NUP93: variants seen among roughly 807,000 people sequenced by gnomAD.
NUP93 encodes the protein nuclear pore complex protein Nup93.
NUP93 carries 55 observed loss-of-function variants against 107.8 expected under a neutral mutation model. The observed-to-expected ratio is 0.51, with a 90% CI of 0.41 to 0.64. The LOEUF is 0.64. Ranked by LOEUF, NUP93 falls within the 30% of genes least tolerant of loss-of-function variation. The probability of loss-of-function intolerance (pLI) is 0.00; values close to 1 mark genes in which losing one functional copy is unlikely to be tolerated. For missense variants in NUP93, 937 were observed against 1,044.7 expected (o/e 0.90, Z 1.42); for synonymous variants, 390 against 397.5 (o/e 0.98, Z 0.22).
chr16:56,801,972 G>A (rs991363996), intron 4 of NUP93, among the ~76,000 whole-genome samples: 1 of 152,158 alleles, frequency 6.6e-6, no homozygotes, highest in South Asian at 2.1e-4. Context: ...TGTGGGTGGT[G>A]TATTGTCTGT....
chr16:56,805,745 A>G (rs778299775), intron 5 of NUP93, 113 bp downstream of exon 5: 11 of 1,160,778 alleles, frequency 9.5e-6, no homozygotes, highest in Non-Finnish European at 1.3e-5. Flanking sequence ...CCCTTGAAAC[A>G]CTTTCTTCAC....
chr16:56,781,336 T>C (rs1596794332), intron 3 of NUP93, among the ~76,000 whole-genome samples: 2 of 152,206 alleles, frequency 1.3e-5, no homozygotes, highest in Non-Finnish European at 2.9e-5. Context: ...TTTTAACTAC[T>C]AAGAGGCCAA....
intron 4 of NUP93, among the ~76,000 whole-genome samples, chr16:56,802,867 C>T (rs1395351277): frequency 6.6e-6 from 1 of 152,124 alleles, no homozygotes; most frequent in Non-Finnish European, 1.5e-5. Flanking sequence ...ACCTGGTCTG[C>T]CAATTGGAGA....
At chr16:56,759,922 G>T (rs1390247698) in intron 3 of NUP93, among the ~76,000 whole-genome samples, 6 of 152,044 alleles carry the variant, frequency 3.9e-5, no homozygotes, top group Non-Finnish European at 7.4e-5. Context: ...GATATTCTTG[G>T]AGTAGGTATT....
At position 56,848,174 on chromosome 16, in the gene NUP93, G is replaced by A. The variant is rs1964137017; in HGVS notation, c.*3565G>A. 6.6e-6 allele frequency: 1 copy of A among 152,158 alleles called. No individual in the cohort carries two copies. Among genetic ancestry groups the A allele is most frequent in the South Asian group, 2.1e-4 (1 of 4,826 alleles). The allele number at this position is 152,158 out of a possible 1,614,324, so 9.4% of individuals were successfully genotyped here. ...ACATCACTTGCCAAATTTCCAGCAT[G>A]CCACTCAGGAAGTGACTTGAGCATG... On this transcript the variant is annotated 3_prime_UTR_variant, in exon 22 of 22. Transcript: ENST00000308159.
At chr16:56,732,901 T>G (rs1961556606) in intron 1 of NUP93, among the ~76,000 whole-genome samples, 1 of 152,150 alleles carries the variant, frequency 6.6e-6, no homozygotes, top group African/African-American at 2.4e-5. Context: ...ATAGGAAATT[T>G]GCCACTAGAG....
chr16:56,787,597 T>A (rs1194774284), intron 3 of NUP93, among the ~76,000 whole-genome samples: 1 of 152,188 alleles, frequency 6.6e-6, no homozygotes, highest in Non-Finnish European at 1.5e-5. Context: ...AGACACTAGA[T>A]ATGACAAAGC....
At chr16:56,802,432 C>T (rs1815952369) in intron 4 of NUP93, among the ~76,000 whole-genome samples, 1 of 151,640 alleles carries the variant, frequency 6.6e-6, no homozygotes, top group African/African-American at 2.4e-5. Context: ...CTCAGGCTAA[C>T]TGACTGGTAT....
Position 56,777,022 on chromosome 16 carries a change from G to C in NUP93, c.297+18367G>C, listed in dbSNP as rs564554291. 2.6e-4 allele frequency among the ~76,000 whole-genome samples: 40 copies of C among 151,840 alleles called. 1 individual carries two copies. In the South Asian group the frequency reaches 8.1e-3, roughly 31 times the overall value. ...ATAGATGCTGAGAGAGAGAGTGAGC[G>C]TGTGTGTGTGTGCACGCACGTGTGT... On this transcript the variant is annotated intron_variant, in intron 3 of 21. Transcript: ENST00000308159.
At chr16:56,731,514 TCTC>T (rs1289081369) in intron 1 of NUP93, among the ~76,000 whole-genome samples, 2 of 152,090 alleles carry the variant, frequency 1.3e-5, no homozygotes, top group Non-Finnish European at 2.9e-5. Flanking sequence ...CTCAAGTGAT[TCTC>T]CTACTTCGGC....
chr16:56,800,361 G>A (rs1962994853), intron 4 of NUP93, among the ~76,000 whole-genome samples: 2 of 152,272 alleles, frequency 1.3e-5, no homozygotes, highest in Admixed American at 6.5e-5. Flanking sequence ...TAAAGGACCA[G>A]TGAAATTAAA....
At chr16:56,802,907 T>A (rs1053392273) in intron 4 of NUP93, among the ~76,000 whole-genome samples, 7 of 152,212 alleles carry the variant, frequency 4.6e-5, no homozygotes, top group African/African-American at 1.7e-4. Context: ...CATAATTCAA[T>A]CTATCTATGT....
intron 4 of NUP93, among the ~76,000 whole-genome samples, chr16:56,803,229 C>T (rs576040609): frequency 6.6e-6 from 1 of 152,222 alleles, no homozygotes; most frequent in South Asian, 2.1e-4. Context: ...GAGGCCAAGG[C>T]GGTCGGATCA....
chr16:56,770,681 C>T (rs1962303113), intron 3 of NUP93, among the ~76,000 whole-genome samples: 2 of 152,108 alleles, frequency 1.3e-5, no homozygotes, highest in South Asian at 2.1e-4. Context: ...GAAACGGTAG[C>T]CATCTTTTGT....
At chr16:56,781,343 C>A (rs1398745404) in intron 3 of NUP93, among the ~76,000 whole-genome samples, 1 of 152,062 alleles carries the variant, frequency 6.6e-6, no homozygotes, top group South Asian at 2.1e-4. Flanking sequence ...TACTAAGAGG[C>A]CAAACATTTA....
rs147738170 is a variant in NUP93 at position 56,849,803 on chromosome 16, T to C, written c.*5194T>C. 6.6e-6 allele frequency: 1 copy of C among 152,376 alleles called. No homozygotes were observed. The highest frequency in any genetic ancestry group is 1.5e-5 in the Non-Finnish European group (1 of 68,044). The allele number at this position is 152,376 out of a possible 1,614,324, so 9.4% of individuals were successfully genotyped here. ...CTGCCACGGGCTGCCGGGAGCTCTCTAGTGGAATTGGATTACCCTGATTTT... is the reference window on the plus strand; with the variant it reads ...CTGCCACGGGCTGCCGGGAGCTCTCCAGTGGAATTGGATTACCCTGATTTT... On this transcript the variant is annotated 3_prime_UTR_variant, in exon 22 of 22. Transcript: ENST00000308159.
chr16:56,823,149 C>T (rs567523625), intron 7 of NUP93, among the ~76,000 whole-genome samples: 2 of 152,176 alleles, frequency 1.3e-5, no homozygotes, highest in Admixed American at 6.5e-5. Flanking sequence ...TCCTGGGAGG[C>T]GTCTTTTGAA....
chr16:56,749,783 G>T (rs1266843604), intron 2 of NUP93, among the ~76,000 whole-genome samples: 1 of 152,194 alleles, frequency 6.6e-6, no homozygotes, highest in African/African-American at 2.4e-5. Context: ...ATAACTAGTT[G>T]GTTTTGGTTC....
chr16:56,760,325 C>G (rs1397518203), intron 3 of NUP93, among the ~76,000 whole-genome samples: 1 of 152,122 alleles, frequency 6.6e-6, no homozygotes, highest in African/African-American at 2.4e-5. Context: ...CCTAGGAGTT[C>G]AAGACCAGCC....
Sources: allele counts gnomAD v4.1 joint callset (sites outside exome capture counted in the v4.1 genomes callset), GRCh38; gene constraint gnomAD v4.1.1; transcripts MANE v1.5; gene names NCBI Gene and HGNC (gene_info 2026-07-23, HGNC 2026-07-21).